Variants in KHDC1 observed in about 807,000 individuals in gnomAD.
KHDC1 encodes KH domain containing 1.
A neutral mutation model predicts 24.7 loss-of-function variants in KHDC1; 21 were observed. That is an observed-to-expected ratio of 0.85 (90% CI 0.60 to 1.23). The LOEUF (loss-of-function observed/expected upper bound fraction) is 1.23, where lower values mean the gene tolerates loss of function less well. Ranked by LOEUF, KHDC1 falls within the 50% of genes most tolerant of loss-of-function variation. The pLI is 0.00. For missense variants in KHDC1, 274 were observed against 298.5 expected (o/e 0.92, Z 0.61); for synonymous variants, 98 against 111.7 (o/e 0.88, Z 0.77).
intron 1 of KHDC1, chr6:73,292,410 A>C: frequency 2.6e-6 from 2 of 778,416 alleles, no homozygotes; most frequent in South Asian, 1.3e-5. Context: ...GCAGCAGAAT[A>C]TCTTTATTTT....
exon 1 of KHDC1, chr6:73,309,637 G>T (rs1184650914): frequency 3.2e-6 from 5 of 1,549,978 alleles, no homozygotes; most frequent in Non-Finnish European, 4.4e-6. Flanking sequence ...ATCCATAAAT[G>T]AAGATCAGGA....
intron 1 of KHDC1, among the ~76,000 whole-genome samples, chr6:73,308,356 G>A (rs1768011298): frequency 4.6e-5 from 7 of 151,584 alleles, no homozygotes; most frequent in Non-Finnish European, 1.5e-5. Context: ...TTACAGGCGT[G>A]AGCCACCACG....
rs988032049 is a variant in KHDC1 at position 73,292,679 on chromosome 6, A to G, written c.164-639T>C. On this transcript the variant is annotated intron_variant, in intron 1 of 4. Transcript: ENST00000370384. Reference sequence around the variant, plus strand: ...GTTGATCTCTTCCTTTACCAGCCACAGCATCTTAATGTGTCCACACATTCT... The same window carrying G: ...GTTGATCTCTTCCTTTACCAGCCACGGCATCTTAATGTGTCCACACATTCT... 7 of 751,040 alleles carry G rather than the reference A, an allele frequency of 9.3e-6. No individual in the cohort carries two copies. The African/African-American group carries it at 1.2e-4, about 13-fold the overall frequency. 46.5% of individuals were successfully genotyped at this position (751,040 alleles called of 1,614,324 possible). A position where few individuals can be genotyped will look rare whatever the true frequency, so the allele number is the denominator to read the frequency against.
chr6:73,273,394 C>T (rs1426333150), intron 2 of KHDC1, among the ~76,000 whole-genome samples: 5 of 148,328 alleles, frequency 3.4e-5, no homozygotes, highest in African/African-American at 9.9e-5. Flanking sequence ...TCTCGAACTC[C>T]TGACCTGAAG....
chr6:73,276,318 C>G (rs1767297016), intron 2 of KHDC1: 1 of 151,986 alleles, frequency 6.6e-6, no homozygotes, highest in South Asian at 2.1e-4. Flanking sequence ...GAAACCCCAT[C>G]TCTACTAAAA....
intron 2 of KHDC1, among the ~76,000 whole-genome samples, chr6:73,271,213 G>C (rs1475573971): frequency 7.3e-5 from 11 of 150,538 alleles, no homozygotes; most frequent in Admixed American, 6.0e-4. Flanking sequence ...TTTTTTTGTT[G>C]TTGTTGTTGG....
At chr6:73,308,754 C>A (rs1768021571) in intron 1 of KHDC1, among the ~76,000 whole-genome samples, 1 of 152,170 alleles carries the variant, frequency 6.6e-6, no homozygotes, top group Non-Finnish European at 1.5e-5. Flanking sequence ...CTCGGCCTCC[C>A]AAAGTACTGG....
intron 2 of KHDC1, among the ~76,000 whole-genome samples, chr6:73,281,617 C>CAAA (rs58163019): frequency 1.1e-5 from 1 of 93,710 alleles, no homozygotes; most frequent in Non-Finnish European, 2.6e-5. Context: ...AACTTCGTCT[C>CAAA]AAAAAAAAAA....
At chr6:73,290,688 TG>T in intron 2 of KHDC1, 1 of 453,886 alleles carries the variant, frequency 2.2e-6, no homozygotes, top group East Asian at 5.8e-5. Context: ...CTGCTGCTGC[TG>T]GAGCCACATG....
chr6:73,303,376 A>G (rs1236144873), intron 1 of KHDC1, among the ~76,000 whole-genome samples: 1 of 152,178 alleles, frequency 6.6e-6, no homozygotes, highest in Non-Finnish European at 1.5e-5. Flanking sequence ...GGACCACAGT[A>G]ATCATTGCCT....
chr6:73,286,316 A>G (rs1003585480), intron 2 of KHDC1, among the ~76,000 whole-genome samples: 4 of 152,230 alleles, frequency 2.6e-5, no homozygotes, highest in Non-Finnish European at 1.5e-5. Flanking sequence ...ATAATTAGAT[A>G]CTAATCACAT....
chr6:73,300,732 A>C (rs1347541385), intron 1 of KHDC1: 1 of 152,180 alleles, frequency 6.6e-6, no homozygotes, highest in Non-Finnish European at 1.5e-5. Flanking sequence ...TTGACTAAAT[A>C]CTGGAAGTGG....
At chr6:73,272,856 C>CTTTTTTTTT (rs1158620688) in intron 2 of KHDC1, among the ~76,000 whole-genome samples, 2 of 135,276 alleles carry the variant, frequency 1.5e-5, no homozygotes, top group African/African-American at 3.0e-5. Flanking sequence ...CTTTTCTTTT[C>CTTTTTTTTT]TTTTTCTTTT....
chr6:73,244,908 A>G lies in KHDC1; in HGVS notation c.207-2378T>C, dbSNP rs559527106. Among the ~76,000 whole-genome samples, 9 of 152,326 alleles carry G rather than the reference A, an allele frequency of 5.9e-5. No individual in the cohort carries two copies. In the East Asian group the frequency reaches 1.7e-3, roughly 29 times the overall value. On this transcript the variant is annotated intron_variant, in intron 2 of 4. Transcript: ENST00000370384. ...GTATCACAGCACTACAGCCTGGGCA[A>G]CAGAGCAAGACCCTGTCTCTTAAAA...
intron 2 of KHDC1, among the ~76,000 whole-genome samples, chr6:73,256,746 C>T (rs965079143): frequency 1.3e-5 from 2 of 152,178 alleles, no homozygotes; most frequent in African/African-American, 2.4e-5. Flanking sequence ...CCCGTTATCC[C>T]CATTTTGCTA....
At chr6:73,276,261 TG>T (rs1165718939) in intron 2 of KHDC1, 2 of 151,482 alleles carry the variant, frequency 1.3e-5, no homozygotes, top group East Asian at 3.9e-4. Flanking sequence ...CTGAGGCAGG[TG>T]GATTGCCTGA....
intron 2 of KHDC1, among the ~76,000 whole-genome samples, chr6:73,255,092 A>C (rs2150560741): frequency 6.6e-6 from 1 of 152,172 alleles, no homozygotes; most frequent in Admixed American, 6.5e-5. Context: ...TTTTTCATTA[A>C]AGGCACTTTT....
At chr6:73,296,957 G>A (rs1001658201) in intron 1 of KHDC1, among the ~76,000 whole-genome samples, 2 of 152,084 alleles carry the variant, frequency 1.3e-5, no homozygotes, top group Non-Finnish European at 2.9e-5. Flanking sequence ...GCAGAGTGCG[G>A]CAGTGCGATC....
intron 2 of KHDC1, among the ~76,000 whole-genome samples, chr6:73,289,478 T>C (rs1767596024): frequency 6.7e-6 from 1 of 149,190 alleles, no homozygotes; most frequent in Admixed American, 6.7e-5. Context: ...GGCAAAACCC[T>C]GTCTCTATTA....
Sources: gnomAD v4.1 joint callset for allele counts (sites outside exome capture counted in the v4.1 genomes callset) on GRCh38, gnomAD v4.1.1 for gene constraint, MANE v1.5 for transcripts, NCBI Gene and HGNC (gene_info 2026-07-23, HGNC 2026-07-21) for gene names.